GRIN1: variants seen among roughly 807,000 people sequenced by gnomAD.
The protein encoded by GRIN1 is glutamate receptor ionotropic, NMDA 1.
GRIN1 carries 38 observed loss-of-function variants against 103.0 expected under a neutral mutation model. That is an observed-to-expected ratio of 0.37 (90% CI 0.28 to 0.48). The LOEUF (loss-of-function observed/expected upper bound fraction) is 0.48, where lower values mean the gene tolerates loss of function less well. Among genes scored for constraint, GRIN1 ranks in the 20% least tolerant of loss-of-function variants. The pLI is 0.98. For missense variants in GRIN1, 577 were observed against 1,288.9 expected, an observed-to-expected ratio of 0.45 and a Z score of 8.46; for synonymous variants, 544 against 532.7, an observed-to-expected ratio of 1.02 and a Z score of -0.29.
intron 2 of GRIN1, among the ~76,000 whole-genome samples, chr9:137,144,371 T>A (rs191050134): frequency 1.5e-5 from 2 of 135,856 alleles, no homozygotes; most frequent in African/African-American, 2.9e-5. Flanking sequence ...TGTCCCCAGG[T>A]TGGCCGGGCG....
chr9:137,153,224 C>A (rs1342565624), intron 4 of GRIN1, among the ~76,000 whole-genome samples: 2 of 151,506 alleles, frequency 1.3e-5, no homozygotes. Context: ...CACATGTGCA[C>A]ACATGCCACA....
chr9:137,154,076 T>TG (rs1408522056), intron 4 of GRIN1, among the ~76,000 whole-genome samples: 1 of 149,432 alleles, frequency 6.7e-6, no homozygotes, highest in East Asian at 2.0e-4. Context: ...CCTTCCAAAG[T>TG]GCTGGCATTA....
At position 137,139,435 on chromosome 9, in the gene GRIN1, G is replaced by A; in HGVS notation, c.-52G>A. ...GGCCCGGAAGCCCCGCGGGGGATGC[G>A]CCGAGGGCCCCGCGTTCGCGCCGCG... On this transcript the variant is annotated 5_prime_UTR_variant, in exon 1 of 20. Coordinates refer to ENST00000371561, the MANE Select transcript of GRIN1 (RefSeq NM_007327.4). The surrounding 1 kb of genome is among the most constrained non-coding windows in gnomAD (Gnocchi z 7.7). 2.2e-6 allele frequency: 3 copies of A among 1,374,060 alleles called. No homozygotes were observed. Among genetic ancestry groups the A allele is most frequent in the South Asian group, 3.2e-5 (2 of 62,256 alleles). 85.1% of individuals were successfully genotyped at this position (1,374,060 alleles called of 1,614,324 possible).
Position 137,161,965 on chromosome 9 carries a change from C to T in GRIN1, c.1509C>T (p.Gly503=). 1 of 1,566,168 alleles carries T rather than the reference C, an allele frequency of 6.4e-7. No individual in the cohort carries two copies. Among genetic ancestry groups the T allele is most frequent in the Non-Finnish European group, 8.7e-7 (1 of 1,155,774 alleles). Reference sequence around the variant, plus strand: ...AGAAGGAGTGGAATGGGATGATGGGCGAGCTGCTCAGCGGGCAGGCAGACA... The same window carrying T: ...AGAAGGAGTGGAATGGGATGATGGGTGAGCTGCTCAGCGGGCAGGCAGACA... The part of the protein sequence containing the change: ...SNKKEWNGMM[G]ELLSGQADMI... The change falls in exon 11 of 20, where the codon GGC becomes GGT. Residue 503 remains glycine (G), a synonymous_variant. Coordinates refer to ENST00000371561, the MANE Select transcript of GRIN1 (RefSeq NM_007327.4).
intron 16 of GRIN1, 54 bp downstream of exon 16, chr9:137,163,384 C>A: frequency 6.3e-7 from 1 of 1,592,604 alleles, no homozygotes; most frequent in Non-Finnish European, 8.6e-7. Context: ...CAGAGGTGGA[C>A]GCCCTCCCCA....
rs1024849659 is a variant in GRIN1, at chr9:137,140,220, C to T, written c.258+476C>T. On this transcript the variant is annotated intron_variant, in intron 1 of 19. Coordinates refer to ENST00000371561, the MANE Select transcript of GRIN1 (RefSeq NM_007327.4). Reference sequence around the variant, plus strand: ...CCTGGGAAGAGAAATGGCTCAGGTGCCACGGCAGGACGCTTTGTGGGGGTG... The same window carrying T: ...CCTGGGAAGAGAAATGGCTCAGGTGTCACGGCAGGACGCTTTGTGGGGGTG... Among the ~76,000 whole-genome samples the T allele has an allele frequency of 2.2e-4, 33 of 152,306 alleles. 1 individual carries two copies. The East Asian group carries it at 3.5e-3, about 16-fold the overall frequency.
chr9:137,153,420 C>G (rs1833025201), intron 4 of GRIN1, among the ~76,000 whole-genome samples: 1 of 150,592 alleles, frequency 6.6e-6, no homozygotes, highest in Admixed American at 6.6e-5. Flanking sequence ...CATACACACA[C>G]AAATGTATGT....
Position 137,139,544 on chromosome 9 carries a change from G to T in GRIN1, c.58G>T (p.Ala20Ser). The change falls in exon 1 of 20, where the codon GCC becomes TCC. Residue 20 changes from alanine to serine, a missense_variant. Ala to Ser is a moderately conservative substitution (Grantham distance 99). Around this residue, in one of 9 missense-constraint regions of GRIN1, gnomAD observed 308 missense variants for 553.6 expected, o/e 0.56. Transcript: ENST00000371561. The surrounding 1 kb of genome is among the most constrained non-coding windows in gnomAD (Gnocchi z 7.7). ...ALLFSCSVAR[A>S]ACDPKIVNIG... ...GCTGTTCTCCTGCTCCGTCGCCCGT[G>T]CCGCGTGCGACCCCAAGATCGTCAA... is the stretch of plus-strand genomic sequence containing the variant. 1 of 1,611,394 alleles carries T rather than the reference G, an allele frequency of 6.2e-7. No individual in the cohort carries two copies. The highest frequency in any genetic ancestry group is 1.1e-5 in the South Asian group (1 of 91,060).
intron 4 of GRIN1, among the ~76,000 whole-genome samples, chr9:137,155,245 C>G (rs1319517216): frequency 1.3e-5 from 2 of 152,154 alleles, no homozygotes; most frequent in Admixed American, 6.5e-5. Flanking sequence ...TCTGTCAGGC[C>G]CTGGTGGGCA....
intron 10 of GRIN1, 39 bp from the exon 11 acceptor site, chr9:137,161,885 G>C: frequency 6.5e-7 from 1 of 1,545,736 alleles, no homozygotes; most frequent in Non-Finnish European, 8.7e-7. Flanking sequence ...GAGCTGGGAG[G>C]ACGCTGCCTG....
At position 137,168,162 on chromosome 9, in the gene GRIN1, C is replaced by T. The variant is rs201158497; in HGVS notation, c.*635C>T. The T allele has an allele frequency of 7.7e-5, 36 of 470,028 alleles. No individual in the cohort carries two copies. In the East Asian group the frequency reaches 1.0e-3, roughly 13 times the overall value. 29.1% of individuals were successfully genotyped at this position (470,028 alleles called of 1,614,324 possible). Reference sequence around the variant, plus strand: ...CAGGCGGAGGGGCTTGGAGCAGAGACGGCAGCCCCATCCTTCCCGCAGCAC... The same window carrying T: ...CAGGCGGAGGGGCTTGGAGCAGAGATGGCAGCCCCATCCTTCCCGCAGCAC... On this transcript the variant is annotated 3_prime_UTR_variant, in exon 20 of 20. Coordinates refer to ENST00000371561, the MANE Select transcript of GRIN1 (RefSeq NM_007327.4).
At position 137,167,789 on chromosome 9, in the gene GRIN1, G is replaced by T. The variant is rs749228792; in HGVS notation, c.*262G>T. The T allele has an allele frequency of 6.2e-7, 1 of 1,612,202 alleles. No homozygotes were observed. Among genetic ancestry groups the T allele is most frequent in the Admixed American group, 1.7e-5 (1 of 60,008 alleles). On this transcript the variant is annotated 3_prime_UTR_variant, in exon 20 of 20. Coordinates refer to ENST00000371561, the MANE Select transcript of GRIN1 (RefSeq NM_007327.4). ...TATTTTGCAGCAGTACCATCCCACTGATATCACGGGCCCGCTCAACCTCTC... is the reference window on the plus strand; with the variant it reads ...TATTTTGCAGCAGTACCATCCCACTTATATCACGGGCCCGCTCAACCTCTC...
chr9:137,155,851 GCT>G (rs1833187179), intron 4 of GRIN1, among the ~76,000 whole-genome samples: 1 of 152,226 alleles, frequency 6.6e-6, no homozygotes, highest in Non-Finnish European at 1.5e-5. Flanking sequence ...GCCTGTCTGG[GCT>G]CTGTCCTCCT....
At chr9:137,158,281 C>A in intron 6 of GRIN1, 98 bp from the exon 7 acceptor site, 11 of 1,322,850 alleles carry the variant, frequency 8.3e-6, no homozygotes, top group Non-Finnish European at 1.1e-5. Context: ...GGAGAAGGAG[C>A]AGGGGGAAGG....
At chr9:137,153,528 A>G (rs1833032393) in intron 4 of GRIN1, among the ~76,000 whole-genome samples, 1 of 152,008 alleles carries the variant, frequency 6.6e-6, no homozygotes, top group Non-Finnish European at 1.5e-5. Flanking sequence ...CATGCCATAT[A>G]CCACATGTGT....
intron 2 of GRIN1, 148 bp downstream of exon 2, chr9:137,142,295 G>A: frequency 6.5e-6 from 5 of 768,054 alleles, no homozygotes; most frequent in East Asian, 2.6e-5. Flanking sequence ...ACGTCCACAC[G>A]CTCTCACGTG....
chr9:137,139,382 A>T lies in GRIN1; in HGVS notation c.-105A>T. On this transcript the variant is annotated 5_prime_UTR_variant, in exon 1 of 20. Transcript: ENST00000371561. This position sits in a 1 kb window ranked among gnomAD's most constrained non-coding sequence, Gnocchi z 7.7. ...GCTCCGGGGGAGACGTGGCGTCCGCAGCCCGCGGGGCCGGGCGAGCGCAGG... is the reference window on the plus strand; with the variant it reads ...GCTCCGGGGGAGACGTGGCGTCCGCTGCCCGCGGGGCCGGGCGAGCGCAGG... The T allele has an allele frequency of 2.9e-6, 2 of 690,440 alleles. No homozygotes were observed. The highest frequency in any genetic ancestry group is 3.9e-6 in the Non-Finnish European group (2 of 510,830). The allele number at this position is 690,440 out of a possible 1,614,324, so 42.8% of individuals were successfully genotyped here. A position where few individuals can be genotyped will look rare whatever the true frequency, so the allele number is the denominator to read the frequency against.
At chr9:137,165,088 G>C (rs913116061) in intron 18 of GRIN1, 98 bp from the exon 19 acceptor site, 10 of 888,388 alleles carry the variant, frequency 1.1e-5, no homozygotes, top group Non-Finnish European at 1.7e-5. Context: ...GAGGGCCCAA[G>C]TGGCCGGCCA....
At chr9:137,155,518 C>T (rs947761391) in intron 4 of GRIN1, among the ~76,000 whole-genome samples, 1 of 152,218 alleles carries the variant, frequency 6.6e-6, no homozygotes, top group Non-Finnish European at 1.5e-5. Flanking sequence ...GGAGGGCCAC[C>T]TTGGTTTCCA....
Sources: allele counts gnomAD v4.1 joint callset (sites outside exome capture counted in the v4.1 genomes callset), GRCh38; gene constraint gnomAD v4.1.1; regional missense constraint gnomAD v4.1.1; non-coding constraint Gnocchi (gnomAD v3.1); transcripts MANE v1.5; gene names NCBI Gene and HGNC (gene_info 2026-07-23, HGNC 2026-07-21).